The following INTS9 variants were observed in gnomAD, a reference collection of about 807,000 sequenced individuals.
INTS9 encodes the protein integrator complex subunit 9.
INTS9 carries 55 observed loss-of-function variants against 79.7 expected under a neutral mutation model. The ratio of observed to expected loss-of-function variants is 0.69; its 90% CI spans 0.56 to 0.86. The LOEUF is 0.86. Among genes scored for constraint, INTS9 ranks in the 40% least tolerant of loss-of-function variants. The pLI, the probability that INTS9 is intolerant of heterozygous loss-of-function variation, is 0.00. For missense variants in INTS9, 721 were observed against 831.5 expected (o/e 0.87, Z 1.64); for synonymous variants, 319 against 325.2 (o/e 0.98, Z 0.20).
intron 6 of INTS9, among the ~76,000 whole-genome samples, chr8:28,819,890 C>A (rs1166346271): frequency 6.6e-6 from 1 of 152,082 alleles, no homozygotes; most frequent in African/African-American, 2.4e-5. Flanking sequence ...TGAATTGATC[C>A]CTTTACCATT....
intron 6 of INTS9, among the ~76,000 whole-genome samples, chr8:28,821,626 G>T (rs1376401054): frequency 5.3e-5 from 8 of 152,180 alleles, no homozygotes; most frequent in Admixed American, 5.2e-4. Flanking sequence ...TTCAGAGGGG[G>T]CTGTGATTGG....
intron 10 of INTS9, among the ~76,000 whole-genome samples, chr8:28,791,812 T>C (rs1446345065): frequency 1.3e-5 from 2 of 152,148 alleles, no homozygotes; most frequent in Non-Finnish European, 2.9e-5. Flanking sequence ...AAGAATAATA[T>C]GATCACTGAG....
intron 4 of INTS9, among the ~76,000 whole-genome samples, chr8:28,839,772 C>T (rs1248315085): frequency 2.6e-5 from 4 of 152,092 alleles, no homozygotes; most frequent in South Asian, 4.2e-4. Flanking sequence ...CTTCTTTACA[C>T]CTTATACAAA....
At chr8:28,816,496 T>A (rs1805490910) in intron 6 of INTS9, among the ~76,000 whole-genome samples, 2 of 151,174 alleles carry the variant, frequency 1.3e-5, no homozygotes, top group South Asian at 2.1e-4. Context: ...TCATTTTTTA[T>A]GGCTGCATAG....
At chr8:28,835,181 C>A in intron 6 of INTS9, 111 bp downstream of exon 6, 1 of 702,136 alleles carries the variant, frequency 1.4e-6, no homozygotes, top group South Asian at 2.0e-5. Context: ...AAAAGAGAAT[C>A]TTTAATATAA....
At chr8:28,832,080 T>A (rs1488084217) in intron 6 of INTS9, among the ~76,000 whole-genome samples, 1 of 152,106 alleles carries the variant, frequency 6.6e-6, no homozygotes, top group East Asian at 1.9e-4. Flanking sequence ...AGGGTTTACA[T>A]TTAAGAGGAA....
chr8:28,848,797 C>T (rs997880579), intron 3 of INTS9, among the ~76,000 whole-genome samples: 3 of 152,220 alleles, frequency 2.0e-5, no homozygotes, highest in Non-Finnish European at 4.4e-5. Flanking sequence ...CAAACACTTA[C>T]AATGTCACTG....
At chr8:28,784,824 T>G (rs369244271) in intron 11 of INTS9, among the ~76,000 whole-genome samples, 7 of 149,250 alleles carry the variant, frequency 4.7e-5, no homozygotes, top group Middle Eastern at 3.6e-3. Flanking sequence ...CACTGCCCCC[T>G]CTCATCTACA....
chr8:28,806,060 T>C (rs988943887), intron 8 of INTS9, among the ~76,000 whole-genome samples: 1 of 142,244 alleles, frequency 7.0e-6, no homozygotes, highest in Non-Finnish European at 1.6e-5. Context: ...GAAGATCCTG[T>C]CTCTACAAAA....
At chr8:28,775,278 T>C (rs1301008222) in intron 14 of INTS9, among the ~76,000 whole-genome samples, 3 of 152,182 alleles carry the variant, frequency 2.0e-5, no homozygotes, top group African/African-American at 7.2e-5. Context: ...ATTTTATTAG[T>C]TGAAAAACAA....
intron 1 of INTS9, among the ~76,000 whole-genome samples, chr8:28,881,714 GC>G (rs1809830952): frequency 6.8e-6 from 1 of 147,228 alleles, no homozygotes; most frequent in African/African-American, 2.5e-5. Context: ...GGGGGGGTCA[GC>G]CCCCCTTCCG....
intron 6 of INTS9, among the ~76,000 whole-genome samples, chr8:28,834,461 C>T (rs911069069): frequency 2.0e-5 from 3 of 152,222 alleles, no homozygotes; most frequent in East Asian, 1.9e-4. Context: ...TCTCTACTCA[C>T]CCTAATCCAC....
intron 6 of INTS9, among the ~76,000 whole-genome samples, chr8:28,814,109 C>T (rs1174749001): frequency 1.3e-5 from 2 of 151,516 alleles, no homozygotes; most frequent in Non-Finnish European, 2.9e-5. Context: ...CTTGCTATGT[C>T]GCCCAAAATG....
At position 28,803,769 on chromosome 8, in the gene INTS9, G is replaced by C. The variant is rs116402120; in HGVS notation, c.745-7114C>G. ...TTTTTATCTTTTCTCTGAGATTTTTGTATTTTCCAAAATTATTACAATAAA... is the reference window on the plus strand; with the variant it reads ...TTTTTATCTTTTCTCTGAGATTTTTCTATTTTCCAAAATTATTACAATAAA... On this transcript the variant is annotated intron_variant, in intron 8 of 16. Transcript: ENST00000521022. Among the ~76,000 whole-genome samples, 1,335 of 151,914 alleles carry C rather than the reference G, an allele frequency of 8.8e-3. 17 individuals carry two copies. Among genetic ancestry groups the C allele is most frequent in the African/African-American group, 0.031 (1,280 of 41,410 alleles).
At chr8:28,838,016 T>C (rs963504465) in intron 4 of INTS9, among the ~76,000 whole-genome samples, 1 of 152,026 alleles carries the variant, frequency 6.6e-6, no homozygotes, top group Non-Finnish European at 1.5e-5. Flanking sequence ...CTGATTTTAC[T>C]AGAACAGAAT....
intron 6 of INTS9, among the ~76,000 whole-genome samples, chr8:28,820,856 A>C (rs1349128946): frequency 6.6e-6 from 1 of 152,212 alleles, no homozygotes; most frequent in Non-Finnish European, 1.5e-5. Context: ...GCAGGTTAAA[A>C]GGAAGGGAGG....
intron 7 of INTS9, among the ~76,000 whole-genome samples, chr8:28,812,932 CAATCCTA>C (rs1563268016): frequency 2.0e-5 from 3 of 152,178 alleles, no homozygotes; most frequent in Non-Finnish European, 4.4e-5. Flanking sequence ...ACAAAGAAAG[CAATCCTA>C]TAATATTTAC....
At chr8:28,793,143 A>C (rs1804012194) in intron 10 of INTS9, among the ~76,000 whole-genome samples, 1 of 152,162 alleles carries the variant, frequency 6.6e-6, no homozygotes, top group Non-Finnish European at 1.5e-5. Context: ...CCTCATGACT[A>C]AAAGGGATTA....
intron 1 of INTS9, among the ~76,000 whole-genome samples, chr8:28,883,407 C>T (rs1810001857): frequency 6.6e-6 from 1 of 152,134 alleles, no homozygotes; most frequent in African/African-American, 2.4e-5. Context: ...AGACTGAGAG[C>T]ATGTGAGGAT....
Sources: allele counts gnomAD v4.1 joint callset (sites outside exome capture counted in the v4.1 genomes callset), GRCh38; gene constraint gnomAD v4.1.1; transcripts MANE v1.5; gene names NCBI Gene and HGNC (gene_info 2026-07-23, HGNC 2026-07-21).